FOXP2: variants seen among roughly 807,000 people sequenced by gnomAD.
FOXP2 encodes forkhead box P2.
FOXP2 carries 12 observed loss-of-function variants against 115.8 expected under a neutral mutation model. The observed-to-expected ratio is 0.10, with a 90% CI of 0.07 to 0.17. The LOEUF is 0.17. FOXP2 is among the 10% of genes least tolerant of loss of function. The pLI, the probability that FOXP2 is intolerant of heterozygous loss-of-function variation, is 1.00. For synonymous variants in FOXP2, 328 were observed against 297.7 expected, an observed-to-expected ratio of 1.10 and a Z score of -1.05; for missense variants, 629 against 843.5, an observed-to-expected ratio of 0.75 and a Z score of 3.15.
intron 2 of FOXP2, among the ~76,000 whole-genome samples, chr7:114,450,045 G>T (rs1051457085): frequency 6.6e-6 from 1 of 151,952 alleles, no homozygotes; most frequent in Non-Finnish European, 1.5e-5. Context: ...CCTGATTCCA[G>T]ATTCTAGATT....
chr7:114,120,246 A>G (rs1791522037), intron 1 of FOXP2, among the ~76,000 whole-genome samples: 1 of 152,158 alleles, frequency 6.6e-6, no homozygotes, highest in African/African-American at 2.4e-5. Context: ...AACAGACAGG[A>G]TAAATCAGTG....
At chr7:114,400,414 T>G (rs1792858249) in intron 2 of FOXP2, among the ~76,000 whole-genome samples, 1 of 152,090 alleles carries the variant, frequency 6.6e-6, no homozygotes, top group South Asian at 2.1e-4. Flanking sequence ...AAATAAAATA[T>G]AGATTCAAAT....
rs181872636 is a variant in FOXP2 at position 114,519,963 on chromosome 7, C to T, written c.169-14654C>T. On this transcript the variant is annotated intron_variant, in intron 2 of 16. Coordinates refer to ENST00000350908, the MANE Select transcript of FOXP2 (RefSeq NM_014491.4). ...TAATTTAAAGAAGAGAAATTTTAAA[C>T]TGAAATCCAGTTTTAAAAAATATGT... 3.2e-4 allele frequency among the ~76,000 whole-genome samples: 49 copies of T among 152,164 alleles called. No homozygotes were observed. In the East Asian group the frequency reaches 9.1e-3, roughly 28 times the overall value.
chr7:114,348,976 G>T lies in FOXP2; in HGVS notation c.-11+60867G>T, dbSNP rs1791413407. 2.0e-5 allele frequency among the ~76,000 whole-genome samples: 3 copies of T among 151,846 alleles called. No individual in the cohort carries two copies. In the South Asian group the frequency reaches 6.2e-4, roughly 32 times the overall value. On this transcript the variant is annotated intron_variant, in intron 2 of 17. Transcript: ENST00000634411. ...ATTCCAGAATCTTGTGGTAATATAA[G>T]GACATAAATATAGTTCAAAGCTAGA...
chr7:114,337,069 C>T (rs951576839), intron 2 of FOXP2, among the ~76,000 whole-genome samples: 2 of 151,474 alleles, frequency 1.3e-5, no homozygotes, highest in African/African-American at 4.8e-5. Context: ...ATCTGCTGCT[C>T]CTCTACATTT....
intron 2 of FOXP2, among the ~76,000 whole-genome samples, chr7:114,351,238 CAG>C (rs1173103187): frequency 6.6e-6 from 1 of 152,166 alleles, no homozygotes; most frequent in East Asian, 1.9e-4. Context: ...TTTAATAAAA[CAG>C]AGAACTATTA....
chr7:114,494,220 T>G (rs188924091), intron 2 of FOXP2, among the ~76,000 whole-genome samples: 3 of 152,286 alleles, frequency 2.0e-5, no homozygotes, highest in African/African-American at 7.2e-5. Context: ...TATTGATACT[T>G]AGAATATTCA....
At chr7:114,235,918 C>T (rs118114536) in intron 1 of FOXP2, among the ~76,000 whole-genome samples, 84 of 152,282 alleles carry the variant, frequency 5.5e-4, no homozygotes, top group Middle Eastern at 6.8e-3. Flanking sequence ...TGATTTCCAA[C>T]TGGAAATAAT....
chr7:114,584,539 T>A (rs1431579110), intron 3 of FOXP2, among the ~76,000 whole-genome samples: 1 of 152,226 alleles, frequency 6.6e-6, no homozygotes, highest in Non-Finnish European at 1.5e-5. Context: ...AATTTTTTCT[T>A]CTGTTTGTCA....
chr7:114,163,396 G>T (rs1284094531), intron 1 of FOXP2, among the ~76,000 whole-genome samples: 1 of 151,814 alleles, frequency 6.6e-6, no homozygotes, highest in Non-Finnish European at 1.5e-5. Flanking sequence ...AGTATCTGCA[G>T]TTTTGCCATT....
At chr7:114,153,761 C>G (rs1387818335) in intron 1 of FOXP2, among the ~76,000 whole-genome samples, 1 of 151,670 alleles carries the variant, frequency 6.6e-6, no homozygotes, top group African/African-American at 2.4e-5. Context: ...GTAGCTCTTT[C>G]TTTTCACAGC....
intron 3 of FOXP2, among the ~76,000 whole-genome samples, chr7:114,625,886 T>C (rs139879913): frequency 4.8e-4 from 73 of 151,890 alleles, no homozygotes; most frequent in African/African-American, 1.7e-3. Context: ...TGTACCTGTG[T>C]TTTTCTACCT....
chr7:114,553,187 G>A (rs893051409), intron 3 of FOXP2, among the ~76,000 whole-genome samples: 1 of 152,096 alleles, frequency 6.6e-6, no homozygotes, highest in African/African-American at 2.4e-5. Context: ...TATAGAGCTG[G>A]AGTTAGGATA....
At chr7:114,579,748 A>G (rs979865109) in intron 3 of FOXP2, among the ~76,000 whole-genome samples, 1 of 152,310 alleles carries the variant, frequency 6.6e-6, no homozygotes, top group African/African-American at 2.4e-5. Flanking sequence ...TTATTCTTAC[A>G]TAGCTCCATT....
At chr7:114,204,005 C>T (rs1010148066) in intron 1 of FOXP2, among the ~76,000 whole-genome samples, 1 of 151,634 alleles carries the variant, frequency 6.6e-6, no homozygotes, top group African/African-American at 2.4e-5. Context: ...CACTTCCTCC[C>T]TTCCCTCAAA....
At chr7:114,458,642 A>C (rs1301340560) in intron 2 of FOXP2, among the ~76,000 whole-genome samples, 1 of 144,360 alleles carries the variant, frequency 6.9e-6, no homozygotes, top group African/African-American at 2.6e-5. Context: ...TGACCTCCTG[A>C]GGTCAGGTGA....
chr7:114,658,317 T>A (rs777069623), intron 11 of FOXP2, 50 bp downstream of exon 11: 3 of 1,569,424 alleles, frequency 1.9e-6, no homozygotes, highest in East Asian at 4.5e-5. Context: ...AGAGGAAAAC[T>A]GTAGCTGAAT....
At chr7:114,450,188 C>T (rs1173002391) in intron 2 of FOXP2, among the ~76,000 whole-genome samples, 2 of 152,078 alleles carry the variant, frequency 1.3e-5, no homozygotes, top group Non-Finnish European at 2.9e-5. Context: ...TTTTCTGATA[C>T]ACTTAACCAA....
At chr7:114,671,994 G>T (rs1426304175) in intron 16 of FOXP2, among the ~76,000 whole-genome samples, 1 of 152,080 alleles carries the variant, frequency 6.6e-6, no homozygotes, top group Non-Finnish European at 1.5e-5. Context: ...ACATTCCATA[G>T]CCAGTTTCTA....
Sources: allele counts gnomAD v4.1 joint callset (sites outside exome capture counted in the v4.1 genomes callset), GRCh38; gene constraint gnomAD v4.1.1; transcripts MANE v1.5; gene names NCBI Gene and HGNC (gene_info 2026-07-23, HGNC 2026-07-21).